MAST4: variants seen among roughly 807,000 people sequenced by gnomAD.
The protein encoded by MAST4 is microtubule-associated serine/threonine-protein kinase 4.
Under a neutral mutation model 162.7 loss-of-function variants are expected in MAST4, and 89 were observed. That is an observed-to-expected ratio of 0.55 (90% CI 0.46 to 0.65). The LOEUF (loss-of-function observed/expected upper bound fraction) is 0.65, where lower values mean the gene tolerates loss of function less well. Ranked by LOEUF, MAST4 falls within the 30% of genes least tolerant of loss-of-function variation. The pLI, the probability that MAST4 is intolerant of heterozygous loss-of-function variation, is 0.00. For missense variants in MAST4, 3,153 were observed against 3,374.0 expected (o/e 0.93, Z 1.62); for synonymous variants, 1,479 against 1,361.1 (o/e 1.09, Z -1.91).
At chr5:66,720,231 T>C (rs552442930) in intron 1 of MAST4, among the ~76,000 whole-genome samples, 15 of 152,302 alleles carry the variant, frequency 9.8e-5, no homozygotes, top group Admixed American at 2.0e-4. Flanking sequence ...TCTTGTGCAA[T>C]TTTTTGAAGT....
intron 13 of MAST4, among the ~76,000 whole-genome samples, chr5:67,119,375 C>G (rs1767303279): frequency 6.6e-6 from 1 of 152,128 alleles, no homozygotes; most frequent in East Asian, 1.9e-4. Flanking sequence ...ATGCTGGTGC[C>G]ATTCTCCTCA....
At chr5:66,656,830 T>C (rs568014856) in intron 1 of MAST4, among the ~76,000 whole-genome samples, 12 of 152,220 alleles carry the variant, frequency 7.9e-5, no homozygotes, top group Non-Finnish European at 1.5e-4. Context: ...GAAATGTTTT[T>C]CTTCTCTAGT....
At chr5:66,971,112 G>A (rs1217432682) in intron 4 of MAST4, among the ~76,000 whole-genome samples, 9 of 152,182 alleles carry the variant, frequency 5.9e-5, no homozygotes, top group Admixed American at 5.9e-4. Flanking sequence ...CACAGTGTAA[G>A]ATTCCATTTA....
At chr5:67,093,362 C>T (rs1315176415) in intron 6 of MAST4, among the ~76,000 whole-genome samples, 1 of 152,140 alleles carries the variant, frequency 6.6e-6, no homozygotes, top group Non-Finnish European at 1.5e-5. Context: ...AAAGAAAAGA[C>T]AACATTGTTA....
At chr5:66,712,259 A>G (rs1448951981) in intron 1 of MAST4, among the ~76,000 whole-genome samples, 4 of 152,224 alleles carry the variant, frequency 2.6e-5, no homozygotes, top group Non-Finnish European at 5.9e-5. Flanking sequence ...CTTAGAACAT[A>G]ATGTCAAACA....
Position 67,102,385 on chromosome 5 carries a change from A to G in MAST4, c.1071-151A>G, listed in dbSNP as rs938461984. The G allele has an allele frequency of 3.3e-5, 24 of 727,508 alleles. No individual in the cohort carries two copies. The Admixed American group carries it at 4.8e-4, about 15-fold the overall frequency. The allele number at this position is 727,508 out of a possible 1,614,324, so 45.1% of individuals were successfully genotyped here. Reference sequence around the variant, plus strand: ...TATGGGAATGTATGTGTGCATGTGTACTAATGACTGATTTTGTAGTTTATT... The same window carrying G: ...TATGGGAATGTATGTGTGCATGTGTGCTAATGACTGATTTTGTAGTTTATT... On this transcript the variant is annotated intron_variant, in intron 8 of 28. Transcript: ENST00000403625.
chr5:67,031,197 A>C (rs1162022332), intron 4 of MAST4, among the ~76,000 whole-genome samples: 1 of 151,916 alleles, frequency 6.6e-6, no homozygotes, highest in Non-Finnish European at 1.5e-5. Context: ...TTAAATTGCT[A>C]CTCTTTGCTG....
intron 1 of MAST4, among the ~76,000 whole-genome samples, chr5:66,640,639 A>T (rs897865755): frequency 7.9e-5 from 12 of 152,170 alleles, no homozygotes; most frequent in Non-Finnish European, 1.5e-4. Context: ...CAGTTGATGA[A>T]CACTCAGATT....
intron 26 of MAST4, among the ~76,000 whole-genome samples, chr5:67,156,016 G>T (rs567762197): frequency 6.7e-6 from 1 of 148,454 alleles, no homozygotes; most frequent in African/African-American, 2.5e-5. Flanking sequence ...CCAAGATAGC[G>T]CCACTGCACT....
chr5:66,861,928 C>T (rs1760148535), intron 3 of MAST4, among the ~76,000 whole-genome samples: 1 of 152,174 alleles, frequency 6.6e-6, no homozygotes. Flanking sequence ...TATGTGGGCT[C>T]TTCATCTGTT....
chr5:66,847,641 TAAAAC>T (rs1007166855), intron 3 of MAST4, among the ~76,000 whole-genome samples: 2 of 149,630 alleles, frequency 1.3e-5, no homozygotes, highest in African/African-American at 4.9e-5. Flanking sequence ...TCTCAAAAAA[TAAAAC>T]AACAACAACA....
At chr5:66,748,030 G>A (rs927095648) in intron 1 of MAST4, among the ~76,000 whole-genome samples, 1 of 152,196 alleles carries the variant, frequency 6.6e-6, no homozygotes, top group Admixed American at 6.5e-5. Flanking sequence ...GCTTGTTGGT[G>A]ATAGGGTGTG....
chr5:66,773,825 A>G (rs896198873), intron 2 of MAST4, among the ~76,000 whole-genome samples: 2 of 152,052 alleles, frequency 1.3e-5, no homozygotes, highest in Admixed American at 6.5e-5. Context: ...TGTTCTTTAT[A>G]AATTACCCAG....
At chr5:66,985,858 G>C in intron 4 of MAST4, among the ~76,000 whole-genome samples, 1 of 152,184 alleles carries the variant, frequency 6.6e-6, no homozygotes, top group African/African-American at 2.4e-5. Flanking sequence ...AGGTGGTATA[G>C]CAACAAGGGA....
intron 3 of MAST4, among the ~76,000 whole-genome samples, chr5:66,831,013 A>C (rs1757561380): frequency 6.6e-6 from 1 of 152,184 alleles, no homozygotes; most frequent in Admixed American, 6.5e-5. Context: ...ATTCTGTAAA[A>C]TGCATACTGT....
intron 1 of MAST4, among the ~76,000 whole-genome samples, chr5:66,623,836 G>T (rs1287257571): frequency 2.0e-5 from 3 of 152,170 alleles, no homozygotes; most frequent in African/African-American, 2.4e-5. Context: ...CTGTTTGCAG[G>T]TGTCATGATC....
At chr5:66,654,329 A>G (rs12519072) in intron 1 of MAST4, among the ~76,000 whole-genome samples, 7,622 of 151,850 alleles carry the variant, frequency 0.05, 217 homozygotes, top group Admixed American at 0.1. Flanking sequence ...AGTCGTTTTT[A>G]TGAGGCAACC....
intron 5 of MAST4, among the ~76,000 whole-genome samples, chr5:67,080,084 C>T (rs934138152): frequency 1.3e-5 from 2 of 152,182 alleles, no homozygotes; most frequent in Admixed American, 6.5e-5. Flanking sequence ...TCTCAGAATA[C>T]GAAGCTTTGG....
chr5:66,983,908 G>A (rs1302259913), intron 4 of MAST4, among the ~76,000 whole-genome samples: 2 of 152,184 alleles, frequency 1.3e-5, no homozygotes, highest in Non-Finnish European at 2.9e-5. Flanking sequence ...CCTGGACCAT[G>A]CCTCTCAAAA....
Sources: allele counts gnomAD v4.1 joint callset (sites outside exome capture counted in the v4.1 genomes callset), GRCh38; gene constraint gnomAD v4.1.1; transcripts MANE v1.5; gene names NCBI Gene and HGNC (gene_info 2026-07-23, HGNC 2026-07-21).